The following ADARB2 variants were observed in gnomAD, a reference collection of about 807,000 sequenced individuals.
ADARB2 encodes the protein adenosine deaminase RNA specific B2 (inactive), also known as inactive double-stranded RNA-specific editase B2.
Under a neutral mutation model 62.2 loss-of-function variants are expected in ADARB2, and 25 were observed. That is an observed-to-expected ratio of 0.40 (90% CI 0.29 to 0.56). The LOEUF (loss-of-function observed/expected upper bound fraction) is 0.56, where lower values mean the gene tolerates loss of function less well. ADARB2 is among the 20% of genes least tolerant of loss of function. The pLI, the probability that ADARB2 is intolerant of heterozygous loss-of-function variation, is 0.43. For missense variants in ADARB2, 1,071 were observed against 1,077.4 expected, an observed-to-expected ratio of 0.99 and a Z score of 0.08; for synonymous variants, 572 against 500.8, an observed-to-expected ratio of 1.14 and a Z score of -1.90.
chr10:1,455,866 C>T (rs373606369), intron 1 of ADARB2, among the ~76,000 whole-genome samples: 21 of 152,296 alleles, frequency 1.4e-4, no homozygotes, highest in African/African-American at 4.6e-4. Context: ...CACACAAATA[C>T]GTCTTCCATG....
chr10:1,386,582 T>C (rs1461453557), intron 1 of ADARB2, among the ~76,000 whole-genome samples: 1 of 151,974 alleles, frequency 6.6e-6, no homozygotes, highest in Non-Finnish European at 1.5e-5. Context: ...GAAAGACATA[T>C]CACAATGATC....
chr10:1,544,956 T>TATATACAC (rs10526252), intron 1 of ADARB2, among the ~76,000 whole-genome samples: 1 of 133,848 alleles, frequency 7.5e-6, no homozygotes, highest in African/African-American at 2.7e-5. Context: ...TAGCAAAGTA[T>TATATACAC]ACACACACAC....
At chr10:1,437,481 C>A (rs1830846398) in intron 1 of ADARB2, among the ~76,000 whole-genome samples, 1 of 152,184 alleles carries the variant, frequency 6.6e-6, no homozygotes, top group South Asian at 2.1e-4. Flanking sequence ...AGACACGCAG[C>A]CACGGGTTTA....
chr10:1,419,339 A>G (rs1333276699), intron 1 of ADARB2, among the ~76,000 whole-genome samples: 1 of 152,256 alleles, frequency 6.6e-6, no homozygotes, highest in African/African-American at 2.4e-5. Flanking sequence ...CATTTTATTG[A>G]TCATTTTATC....
At chr10:1,639,238 G>C (rs959926458) in intron 1 of ADARB2, among the ~76,000 whole-genome samples, 6 of 152,306 alleles carry the variant, frequency 3.9e-5, no homozygotes, top group African/African-American at 1.2e-4. Flanking sequence ...CCAGGAGGCT[G>C]ACCGCATCCA....
chr10:1,363,388 G>T lies in ADARB2; in HGVS notation c.717C>A (p.Gly239=). 1 of 1,336,678 alleles carries T rather than the reference G, an allele frequency of 7.5e-7. No homozygotes were observed. Among genetic ancestry groups the T allele is most frequent in the Non-Finnish European group, 9.6e-7 (1 of 1,042,546 alleles). The allele number at this position is 1,336,678 out of a possible 1,614,324, so 82.8% of individuals were successfully genotyped here. The change falls in exon 3 of 10, where the codon GGC becomes GGA. Residue 239 remains glycine (G), a synonymous_variant. Coordinates refer to ENST00000381312, the MANE Select transcript of ADARB2 (RefSeq NM_018702.4). ...ACAGAAGCGCGGCGTCCCCGGGGCGGCCTCCCGCGAGTCCGGGGCGCGGCG... is the reference window on the plus strand; with the variant it reads ...ACAGAAGCGCGGCGTCCCCGGGGCGTCCTCCCGCGAGTCCGGGGCGCGGCG... ...PPAPRPGLAG[G]RPGDAALLSA... is the part of the protein sequence containing the mutation.
chr10:1,618,735 A>C (rs1875003), intron 1 of ADARB2, among the ~76,000 whole-genome samples: 1 of 151,954 alleles, frequency 6.6e-6, no homozygotes, highest in Non-Finnish European at 1.5e-5. Context: ...TGACGTGGTA[A>C]TCGACAGTTT....
intron 1 of ADARB2, among the ~76,000 whole-genome samples, chr10:1,479,078 A>G (rs1413012610): frequency 1.3e-5 from 2 of 152,190 alleles, no homozygotes; most frequent in African/African-American, 2.4e-5. Context: ...CAGGGGCAGC[A>G]TAGGTTGTGT....
chr10:1,496,209 ACATCATCACTAT>A (rs1475016109), intron 1 of ADARB2, among the ~76,000 whole-genome samples: 6 of 151,206 alleles, frequency 4.0e-5, no homozygotes, highest in Admixed American at 1.3e-4. Flanking sequence ...ATAAGTATCA[ACATCATCACTAT>A]CATCATCATT....
intron 1 of ADARB2, among the ~76,000 whole-genome samples, chr10:1,670,776 C>G (rs1834374474): frequency 6.6e-6 from 1 of 152,316 alleles, no homozygotes; most frequent in South Asian, 2.1e-4. Flanking sequence ...AGCTGTCCAG[C>G]AGGTTTCTGC....
Position 1,216,991 on chromosome 10 carries a change from C to A in ADARB2, c.1642G>T (p.Glu548Ter). ...GTGCAGGACATGGTGATCAGCTGCT[C>A]CCCCAGCAGGACGCCGTCCCAGGTC... ...VQTWDGVLLG[E>*]QLITMSCTDK... Residue 548 changes from glutamate to a stop codon, truncating the protein, a stop_gained, in exon 7 of 10, where the codon GAG (glutamate) becomes TAG (stop). Transcript: ENST00000381312. LOFTEE classifies it high-confidence loss of function. The A allele has an allele frequency of 6.2e-7, 1 of 1,609,578 alleles. No homozygotes were observed. The highest frequency in any genetic ancestry group is 2.2e-5 in the East Asian group (1 of 44,876).
intron 2 of ADARB2, among the ~76,000 whole-genome samples, chr10:1,368,146 C>T (rs1013147641): frequency 6.7e-5 from 10 of 149,770 alleles, no homozygotes; most frequent in Admixed American, 2.0e-4. Context: ...GGAACGGGGG[C>T]GCAGGGGACA....
At chr10:1,369,477 C>G (rs1274919168) in intron 2 of ADARB2, among the ~76,000 whole-genome samples, 3 of 152,152 alleles carry the variant, frequency 2.0e-5, no homozygotes, top group African/African-American at 7.2e-5. Flanking sequence ...CTCACTCTTT[C>G]TCTGTGCGCC....
chr10:1,699,361 C>T (rs71500160), intron 1 of ADARB2, among the ~76,000 whole-genome samples: 2 of 27,284 alleles, frequency 7.3e-5, no homozygotes, highest in Non-Finnish European at 1.6e-4. Context: ...ACCAGGCGCT[C>T]GCCAATACAC....
chr10:1,646,310 C>T (rs1010959192), intron 1 of ADARB2, among the ~76,000 whole-genome samples: 1 of 152,230 alleles, frequency 6.6e-6, no homozygotes, highest in African/African-American at 2.4e-5. Flanking sequence ...CATGAAAGCT[C>T]AAGCCCCCAT....
Position 1,217,058 on chromosome 10 carries a change from G to A in ADARB2, c.1575C>T (p.Ser525=), listed in dbSNP as rs758330444. The change falls in exon 7 of 10, where the codon TCC becomes TCT. Residue 525 remains serine, a synonymous_variant. Coordinates refer to ENST00000381312, the MANE Select transcript of ADARB2 (RefSeq NM_018702.4). Reference sequence around the variant, plus strand: ...CACGCACGGGGACCGTCCCTTCCCCGGACTCGATCTTGGTGCGCAGGTGCC... The same window carrying A: ...CACGCACGGGGACCGTCCCTTCCCCAGACTCGATCTTGGTGCGCAGGTGCC... ...FRGHLRTKIE[S]GEGTVPVRGP... 5.0e-6 allele frequency: 8 copies of A among 1,609,832 alleles called. No homozygotes were observed. The highest frequency in any genetic ancestry group is 1.6e-4 in the Middle Eastern group (1 of 6,076).
chr10:1,186,448 T>C, intron 8 of ADARB2: 4 of 517,848 alleles, frequency 7.7e-6, no homozygotes, highest in Non-Finnish European at 1.5e-5. Context: ...AGATCCCTTG[T>C]CCCATTGGTG....
At chr10:1,366,784 C>T (rs1374736733) in intron 2 of ADARB2, among the ~76,000 whole-genome samples, 7 of 152,228 alleles carry the variant, frequency 4.6e-5, no homozygotes, top group Admixed American at 1.3e-4. Context: ...GGCTGCCCCA[C>T]GTGTGACCGG....
At chr10:1,628,822 C>T (rs1025385353) in intron 1 of ADARB2, among the ~76,000 whole-genome samples, 13 of 152,248 alleles carry the variant, frequency 8.5e-5, no homozygotes, top group South Asian at 6.2e-4. Flanking sequence ...TTGCTCACGG[C>T]GGCCTCCGGC....
Sources: gnomAD v4.1 joint callset for allele counts (sites outside exome capture counted in the v4.1 genomes callset) on GRCh38, gnomAD v4.1.1 for gene constraint, MANE v1.5 for transcripts, NCBI Gene and HGNC (gene_info 2026-07-23, HGNC 2026-07-21) for gene names.